Variants in DST observed in about 807,000 individuals in gnomAD.
DST encodes dystonin.
DST carries 253 observed loss-of-function variants against 875.2 expected under a neutral mutation model. That is an observed-to-expected ratio of 0.29 (90% CI 0.26 to 0.32). DST has a LOEUF of 0.32. Among genes scored for constraint, DST ranks in the 10% least tolerant of loss-of-function variants. The pLI is 1.00. For synonymous variants in DST, 3,124 were observed against 3,197.1 expected, an observed-to-expected ratio of 0.98 and a Z score of 0.77; for missense variants, 8,287 against 9,111.6, an observed-to-expected ratio of 0.91 and a Z score of 3.68.
intron 78 of DST, among the ~76,000 whole-genome samples, chr6:56,503,777 T>C (rs1210796837): frequency 2.0e-5 from 3 of 152,148 alleles, no homozygotes; most frequent in Non-Finnish European, 4.4e-5. Flanking sequence ...CGAACAGTTA[T>C]TAATTGACTA....
chr6:56,735,293 G>C lies in DST; in HGVS notation c.626-4C>G. 2 of 1,521,640 alleles carry C rather than the reference G, an allele frequency of 1.3e-6. No individual in the cohort carries two copies. Among genetic ancestry groups the C allele is most frequent in the Non-Finnish European group, 1.8e-6 (2 of 1,121,168 alleles). 94.3% of individuals were successfully genotyped at this position (1,521,640 alleles called of 1,614,324 possible). The stretch of plus-strand genomic sequence containing the variant: ...TTCTGAACTTTGTCCCGTTCATCTG[G>C]AAGGAAAAAATATATATAAAGATAA... On this transcript the variant is annotated splice_polypyrimidine_tract_variant and splice_region_variant and intron_variant, in intron 4 of 103. Coordinates refer to ENST00000680361, the MANE Select transcript of DST (RefSeq NM_001374736.1).
chr6:56,734,611 T>A (rs1174940230), intron 5 of DST, among the ~76,000 whole-genome samples: 1 of 152,176 alleles, frequency 6.6e-6, no homozygotes, highest in African/African-American at 2.4e-5. Context: ...GTCCAATAAC[T>A]CCACGAAATT....
At chr6:56,942,150 T>A (rs1341948942) in intron 2 of DST, among the ~76,000 whole-genome samples, 1 of 152,200 alleles carries the variant, frequency 6.6e-6, no homozygotes, top group Non-Finnish European at 1.5e-5. Context: ...AATCTTCTTA[T>A]GATTATTGTT....
In DST at chr6:56,953,832, G is replaced by C; in HGVS notation, c.182-13C>G. On this transcript the variant is annotated splice_polypyrimidine_tract_variant and intron_variant, in intron 1 of 103. Coordinates refer to ENST00000680361, the MANE Select transcript of DST (RefSeq NM_001374736.1). ...CTCAAAACAGCATCTGGGGAGAAAA[G>C]AGATAAATGAGACTTCATTTAACTC... 7.6e-7 allele frequency: 1 copy of C among 1,310,180 alleles called. No homozygotes were observed. The highest frequency in any genetic ancestry group is 1.0e-6 in the Non-Finnish European group (1 of 991,308). 81.2% of individuals were successfully genotyped at this position (1,310,180 alleles called of 1,614,324 possible). A position where few individuals can be genotyped will look rare whatever the true frequency, so the allele number is the denominator to read the frequency against.
intron 69 of DST, among the ~76,000 whole-genome samples, chr6:56,525,351 T>G (rs2096778826): frequency 6.6e-6 from 1 of 152,206 alleles, no homozygotes; most frequent in South Asian, 2.1e-4. Context: ...AATACATTCC[T>G]CAAGCATGAA....
At chr6:56,899,035 C>T (rs1400219969) in intron 3 of DST, among the ~76,000 whole-genome samples, 2 of 152,082 alleles carry the variant, frequency 1.3e-5, no homozygotes, top group East Asian at 1.9e-4. Context: ...CTAAACTCTA[C>T]CCCAAACAAC....
intron 5 of DST, among the ~76,000 whole-genome samples, chr6:56,728,695 AT>A (rs546662989): frequency 1.3e-5 from 2 of 152,112 alleles, no homozygotes; most frequent in Non-Finnish European, 2.9e-5. Flanking sequence ...AATTAATTAA[AT>A]AAACAAATAA....
chr6:56,844,306 C>T (rs2099804606), intron 4 of DST, among the ~76,000 whole-genome samples: 1 of 152,180 alleles, frequency 6.6e-6, no homozygotes, highest in African/African-American at 2.4e-5. Flanking sequence ...GAGTACCAGC[C>T]TGCGGTCCCT....
intron 4 of DST, among the ~76,000 whole-genome samples, chr6:56,784,690 G>C (rs929010506): frequency 6.6e-6 from 1 of 152,202 alleles, no homozygotes; most frequent in African/African-American, 2.4e-5. Context: ...GTAGCTCGGA[G>C]TAGTTTGATC....
chr6:56,761,234 G>A (rs2099616481), intron 4 of DST, among the ~76,000 whole-genome samples: 1 of 152,174 alleles, frequency 6.6e-6, no homozygotes, highest in African/African-American at 2.4e-5. Flanking sequence ...CAGCAGCCCT[G>A]GGCAACATCT....
chr6:56,536,347 T>A (rs916233192), intron 62 of DST, among the ~76,000 whole-genome samples: 1 of 152,236 alleles, frequency 6.6e-6, no homozygotes, highest in African/African-American at 2.4e-5. Flanking sequence ...TGAACTTAGT[T>A]GCTAATATTT....
chr6:56,863,563 A>G (rs1051346516), intron 3 of DST, among the ~76,000 whole-genome samples: 1 of 152,110 alleles, frequency 6.6e-6, no homozygotes, highest in Admixed American at 6.6e-5. Context: ...GATCTGTGTG[A>G]ATTCCAATCC....
At chr6:56,585,006 T>C (rs1185191384) in intron 49 of DST, among the ~76,000 whole-genome samples, 4 of 151,632 alleles carry the variant, frequency 2.6e-5, no homozygotes, top group African/African-American at 7.3e-5. Flanking sequence ...CAGTATTTTA[T>C]TGAGGATTTT....
At chr6:56,510,855 T>A (rs541189097) in intron 73 of DST, among the ~76,000 whole-genome samples, 1 of 152,290 alleles carries the variant, frequency 6.6e-6, no homozygotes, top group South Asian at 2.1e-4. Context: ...TTGAGAGTAC[T>A]TTATTAATAA....
chr6:56,862,290 G>C (rs975036395), intron 3 of DST, among the ~76,000 whole-genome samples: 1 of 152,068 alleles, frequency 6.6e-6, no homozygotes, highest in African/African-American at 2.4e-5. Flanking sequence ...AATTATTCTA[G>C]ATCCAGGGAA....
chr6:56,587,936 G>A (rs141987486), intron 49 of DST, among the ~76,000 whole-genome samples: 2,353 of 151,856 alleles, frequency 0.015, 52 homozygotes, highest in African/African-American at 0.054. Flanking sequence ...AGGAACAACC[G>A]GTACCAGCCA....
chr6:56,640,899 T>A (rs1476056332), intron 17 of DST, among the ~76,000 whole-genome samples: 1 of 152,162 alleles, frequency 6.6e-6, no homozygotes, highest in Non-Finnish European at 1.5e-5. Flanking sequence ...AAATTTTGCA[T>A]CATGATTTTT....
At chr6:56,947,907 C>A (rs1820459133) in intron 2 of DST, among the ~76,000 whole-genome samples, 1 of 44,808 alleles carries the variant, frequency 2.2e-5, no homozygotes. Context: ...TGCCTTAAAC[C>A]ATGAATAGTA....
chr6:56,616,125 C>A, intron 36 of DST: 1 of 1,614,200 alleles, frequency 6.2e-7, no homozygotes, highest in East Asian at 2.2e-5. Context: ...TACCCTGCAA[C>A]AGGACTGTGC....
Sources: allele counts gnomAD v4.1 joint callset (sites outside exome capture counted in the v4.1 genomes callset), GRCh38; gene constraint gnomAD v4.1.1; transcripts MANE v1.5; gene names NCBI Gene and HGNC (gene_info 2026-07-23, HGNC 2026-07-21).